Variants in AUTS2 observed in about 807,000 individuals in gnomAD.
AUTS2 encodes the protein autism susceptibility gene 2 protein.
Under a neutral mutation model 112.4 loss-of-function variants are expected in AUTS2, and 17 were observed. That is an observed-to-expected ratio of 0.15 (90% CI 0.10 to 0.23). The LOEUF is 0.23. Among genes scored for constraint, AUTS2 ranks in the 10% least tolerant of loss-of-function variants. The probability of loss-of-function intolerance (pLI) is 1.00; values close to 1 mark genes in which losing one functional copy is unlikely to be tolerated. For synonymous variants in AUTS2, 751 were observed against 702.7 expected, an observed-to-expected ratio of 1.07 and a Z score of -1.09; for missense variants, 1,510 against 1,701.6, an observed-to-expected ratio of 0.89 and a Z score of 1.98.
At chr7:70,093,421 A>G (rs940715266) in intron 2 of AUTS2, among the ~76,000 whole-genome samples, 1 of 152,092 alleles carries the variant, frequency 6.6e-6, no homozygotes, top group African/African-American at 2.4e-5. Context: ...CCTAGGCAAC[A>G]TTTTCAGTTG....
At chr7:69,712,214 T>C (rs1798359593) in intron 1 of AUTS2, among the ~76,000 whole-genome samples, 1 of 152,006 alleles carries the variant, frequency 6.6e-6, no homozygotes, top group Admixed American at 6.5e-5. Context: ...TCTGAATTCT[T>C]TTTTTAAAAA....
chr7:70,476,212 C>T (rs1797575787), intron 5 of AUTS2, among the ~76,000 whole-genome samples: 1 of 152,130 alleles, frequency 6.6e-6, no homozygotes, highest in Admixed American at 6.5e-5. Context: ...CATTCTTAGT[C>T]TCAGCTCTCT....
At chr7:70,243,646 A>G (rs552289320) in intron 4 of AUTS2, among the ~76,000 whole-genome samples, 5 of 150,980 alleles carry the variant, frequency 3.3e-5, no homozygotes, top group Non-Finnish European at 5.9e-5. Flanking sequence ...CTCTGCGATA[A>G]TGTGTCCCAA....
chr7:70,106,826 C>G (rs2129570565), intron 2 of AUTS2, among the ~76,000 whole-genome samples: 1 of 152,126 alleles, frequency 6.6e-6, no homozygotes, highest in Non-Finnish European at 1.5e-5. Context: ...TGTTAGTACA[C>G]ATTTTAAAAG....
At chr7:70,134,677 A>G (rs1372126588) in intron 4 of AUTS2, 106 bp downstream of exon 4, 1 of 1,026,716 alleles carries the variant, frequency 9.7e-7, no homozygotes, top group Admixed American at 1.8e-5. Flanking sequence ...TTTCTCTCTC[A>G]GTCCTAAAGA....
chr7:70,192,410 TGAAAC>T (rs945999205), intron 4 of AUTS2, among the ~76,000 whole-genome samples: 37 of 152,330 alleles, frequency 2.4e-4, no homozygotes, highest in African/African-American at 8.4e-4. Context: ...ATTTGCCAAA[TGAAAC>T]GAAAGTTTTA....
At chr7:69,688,763 G>C (rs1415805532) in intron 1 of AUTS2, among the ~76,000 whole-genome samples, 1 of 152,086 alleles carries the variant, frequency 6.6e-6, no homozygotes, top group Non-Finnish European at 1.5e-5. Context: ...TCCTTTAACA[G>C]AGCTCTCCCT....
chr7:69,879,266 C>A (rs1042886013), intron 1 of AUTS2, among the ~76,000 whole-genome samples: 4 of 152,054 alleles, frequency 2.6e-5, no homozygotes, highest in Admixed American at 6.5e-5. Flanking sequence ...ACTTCATCAT[C>A]CCAAGTAGCT....
chr7:70,167,460 A>G (rs1249537912), intron 4 of AUTS2, among the ~76,000 whole-genome samples: 1 of 152,212 alleles, frequency 6.6e-6, no homozygotes, highest in Non-Finnish European at 1.5e-5. Context: ...AGACAAATCT[A>G]CTAATAAAGT....
chr7:69,871,865 G>T lies in AUTS2; in HGVS notation c.310-27421G>T, dbSNP rs992920681. Reference sequence around the variant, plus strand: ...ATATTTTCAGATTGTAGTTGACTATGGGTGACTGAAATTGTGAAACTGGAG... The same window carrying T: ...ATATTTTCAGATTGTAGTTGACTATTGGTGACTGAAATTGTGAAACTGGAG... On this transcript the variant is annotated intron_variant, in intron 1 of 18. Coordinates refer to ENST00000342771, the MANE Select transcript of AUTS2 (RefSeq NM_015570.4). 2.6e-5 allele frequency among the ~76,000 whole-genome samples: 4 copies of T among 152,096 alleles called. No individual in the cohort carries two copies. In the East Asian group the frequency reaches 5.8e-4, roughly 22 times the overall value.
In AUTS2 at chr7:69,766,630, C is replaced by A. The variant is rs75114374; in HGVS notation, c.310-132656C>A. Among the ~76,000 whole-genome samples, 367 of 152,312 alleles carry A rather than the reference C, an allele frequency of 2.4e-3. 1 individual carries two copies. The highest frequency in any genetic ancestry group is 8.3e-3 in the African/African-American group (347 of 41,566). On this transcript the variant is annotated intron_variant, in intron 1 of 18. Transcript: ENST00000342771. ...GTTGTCCCTAGGTAAGTGAAGTTCT[C>A]AGTCAGTCACCTGCTCTGGCATACC...
chr7:69,715,454 C>T (rs1798562050), intron 1 of AUTS2, among the ~76,000 whole-genome samples: 1 of 152,246 alleles, frequency 6.6e-6, no homozygotes, highest in South Asian at 2.1e-4. Flanking sequence ...GAAGGATTCC[C>T]TCCAGATCCT....
Position 69,599,844 on chromosome 7 carries a change from C to T in AUTS2, c.191C>T (p.Ser64Phe), listed in dbSNP as rs1792278926. The change falls in exon 1 of 19, where the codon TCC becomes TTC. Residue 64 changes from serine to phenylalanine, a missense_variant. Around this residue, in one of 3 missense-constraint regions of AUTS2, gnomAD observed 535 missense variants for 594.3 expected, o/e 0.90. Transcript: ENST00000342771. The surrounding 1 kb of genome is among the most constrained non-coding windows in gnomAD (Gnocchi z 7.0). Reference protein sequence around the residue: ...SDKEDNGKPPSSAPSRPRPPR... With the variant: ...SDKEDNGKPPFSAPSRPRPPR... Reference sequence around the variant, plus strand: ...AAGGAAGACAATGGGAAGCCCCCGTCCTCCGCCCCGTCCCGGCCCAGACCC... The same window carrying T: ...AAGGAAGACAATGGGAAGCCCCCGTTCTCCGCCCCGTCCCGGCCCAGACCC... 1.2e-6 allele frequency: 2 copies of T among 1,612,440 alleles called. No individual in the cohort carries two copies. The highest frequency in any genetic ancestry group is 1.7e-6 in the Non-Finnish European group (2 of 1,179,560).
chr7:70,762,791 C>T, intron 6 of AUTS2, 79 bp from the exon 7 acceptor site: 1 of 1,069,068 alleles, frequency 9.4e-7, no homozygotes, highest in Non-Finnish European at 1.4e-6. Flanking sequence ...TGTGTGATAG[C>T]CTTGGAGTTT....
At chr7:70,128,756 T>C (rs1398985314) in intron 3 of AUTS2, among the ~76,000 whole-genome samples, 1 of 152,218 alleles carries the variant, frequency 6.6e-6, no homozygotes, top group Non-Finnish European at 1.5e-5. Context: ...ACAACAGAAA[T>C]CTATTATCTC....
intron 4 of AUTS2, among the ~76,000 whole-genome samples, chr7:70,274,679 G>T (rs1787848674): frequency 6.6e-6 from 1 of 152,054 alleles, no homozygotes; most frequent in Admixed American, 6.6e-5. Flanking sequence ...GTCTGTAATG[G>T]GTTTAAAGCT....
intron 4 of AUTS2, among the ~76,000 whole-genome samples, chr7:70,213,452 G>C (rs1262886170): frequency 6.7e-6 from 1 of 150,276 alleles, no homozygotes; most frequent in Non-Finnish European, 1.5e-5. Context: ...TGGATCACTG[G>C]ATCACTTGAG....
chr7:69,686,294 A>G (rs79236880), intron 1 of AUTS2, among the ~76,000 whole-genome samples: 1 of 152,340 alleles, frequency 6.6e-6, no homozygotes, highest in East Asian at 1.9e-4. Context: ...ACCTTTAGGA[A>G]CAAGTCATTT....
At chr7:70,673,389 C>T (rs1259837172) in intron 5 of AUTS2, among the ~76,000 whole-genome samples, 1 of 146,244 alleles carries the variant, frequency 6.8e-6, no homozygotes, top group Non-Finnish European at 1.5e-5. Flanking sequence ...TTTTTTAAGA[C>T]AGGGTCTCTC....
Sources: allele counts gnomAD v4.1 joint callset (sites outside exome capture counted in the v4.1 genomes callset), GRCh38; gene constraint gnomAD v4.1.1; regional missense constraint gnomAD v4.1.1; non-coding constraint Gnocchi (gnomAD v3.1); transcripts MANE v1.5; gene names NCBI Gene and HGNC (gene_info 2026-07-23, HGNC 2026-07-21).